The following ZBTB7C variants were observed in gnomAD, a reference collection of about 807,000 sequenced individuals.
The protein encoded by ZBTB7C is zinc finger and BTB domain containing 7C.
In ZBTB7C, 8 loss-of-function variants were observed where a neutral mutation model predicts 25.7. The observed-to-expected ratio is 0.31, with a 90% CI of 0.18 to 0.56. The LOEUF (loss-of-function observed/expected upper bound fraction) is 0.56. Ranked by LOEUF, ZBTB7C falls within the 20% of genes least tolerant of loss-of-function variation. The pLI, the probability that ZBTB7C is intolerant of heterozygous loss-of-function variation, is 0.91. For synonymous variants in ZBTB7C, 394 were observed against 369.0 expected, an observed-to-expected ratio of 1.07 and a Z score of -0.78; for missense variants, 824 against 855.2, an observed-to-expected ratio of 0.96 and a Z score of 0.46.
chr18:48,169,208 C>T (rs920611077), intron 3 of ZBTB7C, among the ~76,000 whole-genome samples: 16 of 152,178 alleles, frequency 1.1e-4, no homozygotes, highest in Non-Finnish European at 2.1e-4. Context: ...CGCATTGTCC[C>T]ATCTTTTTGC....
intron 3 of ZBTB7C, among the ~76,000 whole-genome samples, chr18:48,074,344 T>A (rs2037675347): frequency 1.3e-5 from 2 of 152,152 alleles, no homozygotes; most frequent in Admixed American, 1.3e-4. Flanking sequence ...TCACCCTCCA[T>A]CTGGGGGGCA....
chr18:48,316,417 G>A lies in ZBTB7C; in HGVS notation c.-79+21757C>T, dbSNP rs573007498. Among the ~76,000 whole-genome samples, 15 of 152,308 alleles carry A rather than the reference G, an allele frequency of 9.8e-5. No homozygotes were observed. In the South Asian group the frequency reaches 2.5e-3, roughly 25 times the overall value. On this transcript the variant is annotated intron_variant, in intron 2 of 4. Coordinates refer to ENST00000590800, the MANE Select transcript of ZBTB7C (RefSeq NM_001318841.2). ...AGGCTGTGATGGTAGCAGGAAGGCC[G>A]CTGCAGCATGGGGGTGATATCATTT...
chr18:48,223,967 T>G lies in ZBTB7C; in HGVS notation c.-78-37972A>C, dbSNP rs28604308. Among the ~76,000 whole-genome samples, 896 of 152,260 alleles carry G rather than the reference T, an allele frequency of 5.9e-3. 14 individuals carry two copies. Among genetic ancestry groups the G allele is most frequent in the African/African-American group, 0.021 (862 of 41,554 alleles). ...TTTGGGCAGGCCCTTTAAAAGGCCT[T>G]ATAAAAGTTGTGATAGCTGGACCTC... is the stretch of plus-strand genomic sequence containing the variant. On this transcript the variant is annotated intron_variant, in intron 2 of 4. Transcript: ENST00000590800.
chr18:48,267,353 T>G (rs1429762502), intron 2 of ZBTB7C, among the ~76,000 whole-genome samples: 1 of 152,208 alleles, frequency 6.6e-6, no homozygotes, highest in Non-Finnish European at 1.5e-5. Flanking sequence ...ACAGTTCTAT[T>G]CAACTAAAAC....
chr18:48,139,293 T>C (rs1012595643), intron 3 of ZBTB7C, among the ~76,000 whole-genome samples: 1 of 152,068 alleles, frequency 6.6e-6, no homozygotes. Context: ...AGTTTATGGG[T>C]GCAGCTTCTG....
At chr18:48,150,270 A>G (rs988111280) in intron 3 of ZBTB7C, 3 of 151,970 alleles carry the variant, frequency 2.0e-5, no homozygotes, top group Admixed American at 6.6e-5. Flanking sequence ...GTGGCTCAGA[A>G]TATTTTTGGA....
intron 3 of ZBTB7C, among the ~76,000 whole-genome samples, chr18:48,174,996 A>G (rs775233964): frequency 6.6e-6 from 1 of 152,200 alleles, no homozygotes; most frequent in Non-Finnish European, 1.5e-5. Flanking sequence ...ACCTTTCTGT[A>G]TATCTCCAAC....
intron 4 of ZBTB7C, among the ~76,000 whole-genome samples, chr18:48,036,501 C>G (rs1387990612): frequency 6.6e-6 from 1 of 152,170 alleles, no homozygotes; most frequent in Non-Finnish European, 1.5e-5. Flanking sequence ...GTCACAAGAC[C>G]CTGAGCTCTT....
intron 2 of ZBTB7C, among the ~76,000 whole-genome samples, chr18:48,280,492 C>A (rs2044804932): frequency 6.6e-6 from 1 of 152,104 alleles, no homozygotes; most frequent in Non-Finnish European, 1.5e-5. Flanking sequence ...CTTCTCAAGC[C>A]CTACACAATC....
intron 3 of ZBTB7C, among the ~76,000 whole-genome samples, chr18:48,080,132 CAGA>C (rs2037926078): frequency 3.3e-5 from 5 of 152,224 alleles, no homozygotes; most frequent in Admixed American, 3.3e-4. Context: ...ATGACAGCCC[CAGA>C]TGGGATCAGC....
intron 1 of ZBTB7C, among the ~76,000 whole-genome samples, chr18:48,386,568 G>A (rs1390135163): frequency 6.6e-6 from 1 of 152,222 alleles, no homozygotes; most frequent in African/African-American, 2.4e-5. Context: ...GGAAAATCCA[G>A]CCCATAGAAT....
chr18:48,151,380 A>G (rs1345274265), intron 3 of ZBTB7C, among the ~76,000 whole-genome samples: 1 of 152,084 alleles, frequency 6.6e-6, no homozygotes, highest in Non-Finnish European at 1.5e-5. Flanking sequence ...CTTAGATGAG[A>G]TTCTTAGAAG....
intron 1 of ZBTB7C, among the ~76,000 whole-genome samples, chr18:48,394,837 A>G (rs772156521): frequency 2.6e-5 from 4 of 152,242 alleles, no homozygotes; most frequent in Non-Finnish European, 5.9e-5. Context: ...CACGGGGCTA[A>G]GAAATGCAAA....
chr18:48,273,019 T>A (rs2044538130), intron 2 of ZBTB7C, among the ~76,000 whole-genome samples: 1 of 152,226 alleles, frequency 6.6e-6, no homozygotes, highest in African/African-American at 2.4e-5. Flanking sequence ...GGGAACTGAC[T>A]GTTAATGGGT....
rs574050018 is a variant in ZBTB7C, at chr18:48,342,455, C to A, written c.-303-4057G>T. ...GGGGGCAGGCAGGATCGGGAGGCAGCCAGCTGAGACGGCCATCGTCCCCAG... is the reference window on the plus strand; with the variant it reads ...GGGGGCAGGCAGGATCGGGAGGCAGACAGCTGAGACGGCCATCGTCCCCAG... On this transcript the variant is annotated intron_variant, in intron 1 of 4. Coordinates refer to ENST00000590800, the MANE Select transcript of ZBTB7C (RefSeq NM_001318841.2). Among the ~76,000 whole-genome samples, 6 of 152,240 alleles carry A rather than the reference C, an allele frequency of 3.9e-5. No individual in the cohort carries two copies. The South Asian group carries it at 1.0e-3, about 26-fold the overall frequency.
intron 3 of ZBTB7C, among the ~76,000 whole-genome samples, chr18:48,094,362 C>G (rs970393485): frequency 3.3e-5 from 5 of 152,158 alleles, no homozygotes; most frequent in African/African-American, 1.2e-4. Context: ...TGACGAGCAC[C>G]TAAGGGACTT....
At chr18:48,169,254 C>T (rs1190307721) in intron 3 of ZBTB7C, among the ~76,000 whole-genome samples, 1 of 152,218 alleles carries the variant, frequency 6.6e-6, no homozygotes, top group Non-Finnish European at 1.5e-5. Context: ...GGGCACAGTA[C>T]TCCTCACCTC....
At chr18:48,369,953 G>A (rs1351981473) in intron 1 of ZBTB7C, among the ~76,000 whole-genome samples, 1 of 152,076 alleles carries the variant, frequency 6.6e-6, no homozygotes, top group African/African-American at 2.4e-5. Flanking sequence ...ATTATTCTCA[G>A]GTGGCCCCAG....
At chr18:48,145,647 T>C (rs2040477002) in intron 3 of ZBTB7C, among the ~76,000 whole-genome samples, 1 of 152,222 alleles carries the variant, frequency 6.6e-6, no homozygotes, top group Non-Finnish European at 1.5e-5. Context: ...AATGATGATA[T>C]AGATATAGAC....
Sources: gnomAD v4.1 joint callset for allele counts (sites outside exome capture counted in the v4.1 genomes callset) on GRCh38, gnomAD v4.1.1 for gene constraint, MANE v1.5 for transcripts, NCBI Gene and HGNC (gene_info 2026-07-23, HGNC 2026-07-21) for gene names.